Variants in OPCML observed in about 807,000 individuals in gnomAD.
OPCML encodes opioid binding protein/cell adhesion molecule like, also known as opioid-binding protein/cell adhesion molecule.
Under a neutral mutation model 37.8 loss-of-function variants are expected in OPCML, and 13 were observed. That is an observed-to-expected ratio of 0.34 (90% CI 0.22 to 0.55). The LOEUF is 0.55. OPCML is among the 20% of genes least tolerant of loss of function. OPCML has a pLI of 0.91. For missense variants in OPCML, 341 were observed against 435.6 expected (o/e 0.78, Z 1.93); for synonymous variants, 176 against 168.8 (o/e 1.04, Z -0.33).
intron 2 of OPCML, chr11:132,860,545 T>C (rs1403733351): frequency 6.6e-6 from 1 of 152,120 alleles, no homozygotes; most frequent in African/African-American, 2.4e-5. Flanking sequence ...ACAAGATGCA[T>C]AGTGAAAGCC....
chr11:133,005,802 G>A (rs933201180), intron 1 of OPCML: 6 of 985,046 alleles, frequency 6.1e-6, no homozygotes, highest in East Asian at 2.3e-4. Context: ...TAGGAGATGG[G>A]CATTTCCCTG....
chr11:133,011,876 C>G (rs1361265509), intron 1 of OPCML, among the ~76,000 whole-genome samples: 3 of 152,198 alleles, frequency 2.0e-5, no homozygotes, highest in African/African-American at 7.2e-5. Flanking sequence ...ACTAAGTATA[C>G]TAGAAGATTA....
intron 2 of OPCML, among the ~76,000 whole-genome samples, chr11:132,861,196 C>T (rs911652691): frequency 1.3e-5 from 2 of 152,086 alleles, no homozygotes; most frequent in African/African-American, 4.8e-5. Flanking sequence ...ACCAGGCTCT[C>T]GGGATGTTTT....
intron 2 of OPCML, among the ~76,000 whole-genome samples, chr11:132,777,577 T>C (rs550926494): frequency 6.6e-6 from 1 of 152,328 alleles, no homozygotes; most frequent in South Asian, 2.1e-4. Flanking sequence ...GTTGCATAAT[T>C]AATCTGTCAA....
In OPCML at chr11:133,500,144, A is replaced by G. The variant is rs574257440; in HGVS notation, c.61+32120T>C. The stretch of plus-strand genomic sequence containing the variant: ...CTCAGCCTCCCAAAGTGCTGGGTTT[A>G]CAGGCGTGAGCCACCGCACCTGGCT... On this transcript the variant is annotated intron_variant, in intron 1 of 7. Transcript: ENST00000524381. Among the ~76,000 whole-genome samples the G allele has an allele frequency of 3.9e-5, 6 of 152,246 alleles. No homozygotes were observed. In the South Asian group the frequency reaches 6.2e-4, roughly 16 times the overall value.
At chr11:133,442,286 A>G (rs1008279592) in intron 1 of OPCML, among the ~76,000 whole-genome samples, 3 of 152,106 alleles carry the variant, frequency 2.0e-5, no homozygotes, top group African/African-American at 7.2e-5. Context: ...AAAAAGGTCA[A>G]TAATAATTCA....
intron 4 of OPCML, among the ~76,000 whole-genome samples, chr11:132,466,671 G>A (rs1258229448): frequency 6.6e-6 from 1 of 152,154 alleles, no homozygotes; most frequent in Non-Finnish European, 1.5e-5. Context: ...TATAAAAGCT[G>A]GTGTAGGATG....
At chr11:133,131,750 G>T (rs890627817) in intron 1 of OPCML, among the ~76,000 whole-genome samples, 1 of 152,156 alleles carries the variant, frequency 6.6e-6, no homozygotes, top group African/African-American at 2.4e-5. Context: ...AATTTCAAGT[G>T]CTGTCTTAAC....
chr11:133,002,446 C>T lies in OPCML; in HGVS notation c.62-59436G>A, dbSNP rs538638475. On this transcript the variant is annotated intron_variant, in intron 1 of 7. Transcript: ENST00000524381. ...GATCTGTGTTTGAATCCTGTCTCAC[C>T]GCTTACATCCATGTCGCCCTGAGTA... Among the ~76,000 whole-genome samples the T allele has an allele frequency of 1.3e-4, 20 of 152,306 alleles. No individual in the cohort carries two copies. In the East Asian group the frequency reaches 1.5e-3, roughly 12 times the overall value.
intron 1 of OPCML, among the ~76,000 whole-genome samples, chr11:133,085,801 T>C (rs1948810072): frequency 6.6e-6 from 1 of 152,200 alleles, no homozygotes; most frequent in South Asian, 2.1e-4. Context: ...AAGAGAGACT[T>C]CTTGGGTTCT....
chr11:132,478,639 T>G (rs181783488), intron 4 of OPCML, among the ~76,000 whole-genome samples: 1 of 152,244 alleles, frequency 6.6e-6, no homozygotes, highest in African/African-American at 2.4e-5. Context: ...CCTTTCCACT[T>G]ACCATTTAAT....
At chr11:132,542,323 C>A (rs982319151) in intron 3 of OPCML, among the ~76,000 whole-genome samples, 1 of 152,186 alleles carries the variant, frequency 6.6e-6, no homozygotes, top group African/African-American at 2.4e-5. Context: ...CTGATTTTGT[C>A]ACTGTCCAGC....
chr11:132,450,613 C>G (rs1409881554), intron 4 of OPCML, among the ~76,000 whole-genome samples: 4 of 151,652 alleles, frequency 2.6e-5, no homozygotes, highest in Non-Finnish European at 5.9e-5. Context: ...AATATCGTAT[C>G]CTGAGAGTAA....
At chr11:133,262,729 CTG>C (rs1490390786) in intron 1 of OPCML, among the ~76,000 whole-genome samples, 2 of 152,070 alleles carry the variant, frequency 1.3e-5, no homozygotes, top group Non-Finnish European at 2.9e-5. Flanking sequence ...GATACCCTGA[CTG>C]TGGAGTGGGA....
At chr11:132,976,733 A>G (rs1418220483) in intron 1 of OPCML, among the ~76,000 whole-genome samples, 2 of 152,178 alleles carry the variant, frequency 1.3e-5, no homozygotes, top group Non-Finnish European at 1.5e-5. Context: ...TATTAGAAAC[A>G]TAAGCCCTAG....
intron 1 of OPCML, chr11:133,418,638 T>G: frequency 1.1e-5 from 2 of 183,450 alleles, no homozygotes; most frequent in Non-Finnish European, 2.1e-5. Context: ...TATAGTTTAA[T>G]CTTAAACTCC....
intron 2 of OPCML, among the ~76,000 whole-genome samples, chr11:132,663,756 A>C (rs1028052871): frequency 6.6e-6 from 1 of 152,252 alleles, no homozygotes; most frequent in Non-Finnish European, 1.5e-5. Flanking sequence ...GGAACCCAGA[A>C]GGGCAGGCCT....
chr11:133,436,404 C>T (rs990367075), intron 1 of OPCML, among the ~76,000 whole-genome samples: 3 of 152,120 alleles, frequency 2.0e-5, no homozygotes, highest in Non-Finnish European at 2.9e-5. Context: ...CATCCCAAGG[C>T]TTTTATATTG....
chr11:133,002,813 G>A (rs1352498284), intron 1 of OPCML, among the ~76,000 whole-genome samples: 2 of 152,088 alleles, frequency 1.3e-5, no homozygotes, highest in South Asian at 2.1e-4. Flanking sequence ...ATTGATCGTA[G>A]GTTGTGTCAT....
Sources: gnomAD v4.1 joint callset for allele counts (sites outside exome capture counted in the v4.1 genomes callset) on GRCh38, gnomAD v4.1.1 for gene constraint, MANE v1.5 for transcripts, NCBI Gene and HGNC (gene_info 2026-07-23, HGNC 2026-07-21) for gene names.